Variants in PHKB observed in about 807,000 individuals in gnomAD.
PHKB encodes the protein phosphorylase b kinase regulatory subunit beta.
A neutral mutation model predicts 152.1 loss-of-function variants in PHKB; 122 were observed. The ratio of observed to expected loss-of-function variants is 0.80; its 90% CI spans 0.69 to 0.93. The LOEUF (loss-of-function observed/expected upper bound fraction) is 0.93. Among genes scored for constraint, PHKB ranks in the 40% least tolerant of loss-of-function variants. The probability of loss-of-function intolerance (pLI) is 0.00; values close to 1 mark genes in which losing one functional copy is unlikely to be tolerated. For missense variants in PHKB, 1,304 were observed against 1,328.4 expected (o/e 0.98, Z 0.29); for synonymous variants, 436 against 464.9 (o/e 0.94, Z 0.80).
intron 6 of PHKB, among the ~76,000 whole-genome samples, chr16:47,542,930 A>G (rs1597070242): frequency 6.6e-6 from 1 of 152,218 alleles, no homozygotes; most frequent in Non-Finnish European, 1.5e-5. Context: ...TAAATATACA[A>G]TCATGTCATC....
At chr16:47,580,222 A>G in intron 7 of PHKB, 73 bp from the exon 8 acceptor site, 5 of 1,107,538 alleles carry the variant, frequency 4.5e-6, no homozygotes, top group Non-Finnish European at 6.9e-6. Context: ...GCTCGTGAAT[A>G]TTCATCAGAT....
At chr16:47,612,611 C>T (rs1972448378) in intron 14 of PHKB, among the ~76,000 whole-genome samples, 3 of 152,168 alleles carry the variant, frequency 2.0e-5, no homozygotes, top group African/African-American at 7.2e-5. Context: ...TCATGCCTCC[C>T]AAGTGGAGCC....
intron 7 of PHKB, among the ~76,000 whole-genome samples, chr16:47,578,274 G>A (rs1313622398): frequency 6.6e-6 from 1 of 151,978 alleles, no homozygotes; most frequent in African/African-American, 2.4e-5. Flanking sequence ...TAAAATCTTT[G>A]TCAGATAATT....
intron 1 of PHKB, among the ~76,000 whole-genome samples, chr16:47,474,538 C>G (rs562347307): frequency 6.6e-6 from 1 of 151,968 alleles, no homozygotes. Flanking sequence ...TGTCTTCCTC[C>G]AATAGTTGAA....
intron 13 of PHKB, among the ~76,000 whole-genome samples, chr16:47,608,548 C>CA (rs1157333685): frequency 2.6e-5 from 4 of 152,072 alleles, no homozygotes; most frequent in Non-Finnish European, 5.9e-5. Context: ...CTTGTCTCTA[C>CA]AAAAAACACA....
rs1006221772 is a variant in PHKB, at chr16:47,700,386, T to G, written c.*1020T>G. 2 of 151,626 alleles carry G rather than the reference T, an allele frequency of 1.3e-5. No homozygotes were observed. The highest frequency in any genetic ancestry group is 2.9e-5 in the Non-Finnish European group (2 of 67,918). The allele number at this position is 151,626 out of a possible 1,614,324, so 9.4% of individuals were successfully genotyped here. On this transcript the variant is annotated 3_prime_UTR_variant, in exon 31 of 31. Coordinates refer to ENST00000323584, the MANE Select transcript of PHKB (RefSeq NM_000293.3). ...AAAAAAGAAAAAGAAAAAAATATGT[T>G]AAATTTAAGGACTGTTAACCTACGT... is the stretch of plus-strand genomic sequence containing the variant.
chr16:47,484,919 T>C (rs374825370), intron 1 of PHKB, among the ~76,000 whole-genome samples: 2 of 152,200 alleles, frequency 1.3e-5, no homozygotes, highest in East Asian at 1.9e-4. Flanking sequence ...TCACACTCCT[T>C]TCCCTAGTGG....
chr16:47,652,116 G>T (rs1183357788), intron 20 of PHKB, among the ~76,000 whole-genome samples: 1 of 151,394 alleles, frequency 6.6e-6, no homozygotes, highest in Non-Finnish European at 1.5e-5. Flanking sequence ...GGAGGCATTT[G>T]TCAGATGTCC....
At chr16:47,464,090 T>A (rs1597004203) in intron 1 of PHKB, 1 of 864,892 alleles carries the variant, frequency 1.2e-6, no homozygotes, top group East Asian at 2.4e-5. Flanking sequence ...TGTCTTTATT[T>A]CTTCTTTGGT....
rs183582200 is a variant in PHKB at position 47,496,625 on chromosome 16, G to T, written c.77-774G>T. Among the ~76,000 whole-genome samples, 470 of 152,344 alleles carry T rather than the reference G, an allele frequency of 3.1e-3. 1 individual carries two copies. The highest frequency in any genetic ancestry group is 0.011 in the African/African-American group (460 of 41,576). ...TTCTGATTGCTTTTAACAAGAACGA[G>T]AGACAGTACATAGTCTGATGGCTGA... On this transcript the variant is annotated intron_variant, in intron 1 of 30. Transcript: ENST00000323584.
At chr16:47,678,925 T>C (rs1159701290) in intron 26 of PHKB, among the ~76,000 whole-genome samples, 1 of 152,242 alleles carries the variant, frequency 6.6e-6, no homozygotes, top group Non-Finnish European at 1.5e-5. Flanking sequence ...AAGTCTTTAA[T>C]CCATCTTGAA....
intron 1 of PHKB, among the ~76,000 whole-genome samples, chr16:47,481,609 A>G (rs1273241476): frequency 6.6e-6 from 1 of 152,252 alleles, no homozygotes; most frequent in African/African-American, 2.4e-5. Flanking sequence ...GGTTTCCCAC[A>G]TTGTGCCCCA....
At chr16:47,466,833 T>TGTG (rs1193051010) in intron 1 of PHKB, among the ~76,000 whole-genome samples, 2 of 152,192 alleles carry the variant, frequency 1.3e-5, no homozygotes, top group African/African-American at 2.4e-5. Context: ...AAAAGATTCT[T>TGTG]GTGATTGGAA....
At chr16:47,685,688 T>A (rs1378700113) in intron 26 of PHKB, among the ~76,000 whole-genome samples, 2 of 152,140 alleles carry the variant, frequency 1.3e-5, no homozygotes, top group African/African-American at 4.8e-5. Flanking sequence ...TTCCAAGGTA[T>A]AAAAAGATTA....
At chr16:47,541,985 A>G (rs1971068454) in intron 6 of PHKB, among the ~76,000 whole-genome samples, 1 of 152,082 alleles carries the variant, frequency 6.6e-6, no homozygotes, top group Non-Finnish European at 1.5e-5. Context: ...TGCTGTGCAG[A>G]AGCTCTTTAG....
At chr16:47,665,331 T>A (rs1409012352) in intron 25 of PHKB, 40 of 210,842 alleles carry the variant, frequency 1.9e-4, no homozygotes, top group South Asian at 1.7e-3. Context: ...TGCTGTACTT[T>A]AAAAAAAAAA....
At chr16:47,681,555 G>C (rs1411987265) in intron 26 of PHKB, among the ~76,000 whole-genome samples, 1 of 151,728 alleles carries the variant, frequency 6.6e-6, no homozygotes, top group Non-Finnish European at 1.5e-5. Context: ...GATCTTTGTT[G>C]GTTTAAAGTC....
Position 47,659,746 on chromosome 16 carries a change from T to C in PHKB, c.1972-760T>C, listed in dbSNP as rs1452949762. Among the ~76,000 whole-genome samples the C allele has an allele frequency of 2.0e-5, 3 of 152,350 alleles. No individual in the cohort carries two copies. The East Asian group carries it at 5.8e-4, about 29-fold the overall frequency. On this transcript the variant is annotated intron_variant, in intron 20 of 30. Coordinates refer to ENST00000323584, the MANE Select transcript of PHKB (RefSeq NM_000293.3). ...AAAATGGAGACTTGTCGGTATCCTA[T>C]CATTGGATGGCCCAGAAATACATTA...
At position 47,516,401 on chromosome 16, in the gene PHKB, C is replaced by T. The variant is rs183327518; in HGVS notation, c.594+800C>T. 8.5e-4 allele frequency among the ~76,000 whole-genome samples: 130 copies of T among 152,238 alleles called. 1 individual carries two copies. Among genetic ancestry groups the T allele is most frequent in the African/African-American group, 3.0e-3 (124 of 41,544 alleles). On this transcript the variant is annotated intron_variant, in intron 6 of 30. Coordinates refer to ENST00000323584, the MANE Select transcript of PHKB (RefSeq NM_000293.3). ...TAGGAAAATTGTAAAGAATTCATATCCCAAAGATGAGAAGCATTTCTTTCA... is the reference window on the plus strand; with the variant it reads ...TAGGAAAATTGTAAAGAATTCATATTCCAAAGATGAGAAGCATTTCTTTCA...
Sources: gnomAD v4.1 joint callset for allele counts (sites outside exome capture counted in the v4.1 genomes callset) on GRCh38, gnomAD v4.1.1 for gene constraint, MANE v1.5 for transcripts, NCBI Gene and HGNC (gene_info 2026-07-23, HGNC 2026-07-21) for gene names.